Variants in GRIN2A observed in about 807,000 individuals in gnomAD.
GRIN2A encodes the protein glutamate ionotropic receptor NMDA type subunit 2A.
GRIN2A carries 22 observed loss-of-function variants against 113.4 expected under a neutral mutation model. The ratio of observed to expected loss-of-function variants is 0.19; its 90% confidence interval spans 0.14 to 0.28. GRIN2A has a LOEUF of 0.28. GRIN2A is among the 10% of genes least tolerant of loss of function. GRIN2A has a pLI of 1.00. For synonymous variants in GRIN2A, 827 were observed against 738.4 expected, an observed-to-expected ratio of 1.12 and a Z score of -1.94; for missense variants, 1,502 against 1,887.0, an observed-to-expected ratio of 0.80 and a Z score of 3.78.
chr16:10,165,429 T>A (rs1039075605), intron 2 of GRIN2A, among the ~76,000 whole-genome samples: 1 of 150,346 alleles, frequency 6.7e-6, no homozygotes, highest in African/African-American at 2.4e-5. Flanking sequence ...TCCTCTAAAA[T>A]ACATATGTAT....
At chr16:9,974,235 G>T (rs1236080061) in intron 2 of GRIN2A, among the ~76,000 whole-genome samples, 1 of 152,176 alleles carries the variant, frequency 6.6e-6, no homozygotes, top group East Asian at 1.9e-4. Flanking sequence ...ACTAAAGGCA[G>T]TTAGCCTGGT....
At chr16:10,105,004 C>T (rs1231230289) in intron 2 of GRIN2A, among the ~76,000 whole-genome samples, 1 of 152,188 alleles carries the variant, frequency 6.6e-6, no homozygotes, top group African/African-American at 2.4e-5. Context: ...CTGAAGCAAA[C>T]TTTTAATTCG....
chr16:10,014,588 C>A (rs1262647998), intron 2 of GRIN2A, among the ~76,000 whole-genome samples: 1 of 152,166 alleles, frequency 6.6e-6, no homozygotes, highest in Non-Finnish European at 1.5e-5. Context: ...AAATGGACCA[C>A]TCTGAAACCA....
chr16:10,171,908 A>G (rs112429376), intron 2 of GRIN2A, among the ~76,000 whole-genome samples: 2,421 of 152,316 alleles, frequency 0.016, 43 homozygotes, highest in Non-Finnish European at 0.023. Context: ...GAACTTCCCC[A>G]TGATCACCCA....
At chr16:10,089,326 A>C (rs2048141599) in intron 2 of GRIN2A, among the ~76,000 whole-genome samples, 1 of 152,220 alleles carries the variant, frequency 6.6e-6, no homozygotes, top group African/African-American at 2.4e-5. Flanking sequence ...TCACAGATGT[A>C]TGCATATGTC....
chr16:9,946,964 AT>A (rs1251712072), intron 2 of GRIN2A, among the ~76,000 whole-genome samples: 13 of 152,142 alleles, frequency 8.5e-5, no homozygotes, highest in Non-Finnish European at 1.8e-4. Context: ...TAATTACCTC[AT>A]TTTGCTTAAG....
At chr16:9,810,862 T>C (rs2042073030) in intron 10 of GRIN2A, among the ~76,000 whole-genome samples, 1 of 152,180 alleles carries the variant, frequency 6.6e-6, no homozygotes, top group South Asian at 2.1e-4. Flanking sequence ...TCCACCTGCA[T>C]TTCTCTATGG....
intron 3 of GRIN2A, among the ~76,000 whole-genome samples, chr16:9,912,470 GA>G (rs2141555012): frequency 7.3e-6 from 1 of 137,374 alleles, no homozygotes; most frequent in South Asian, 2.5e-4. Flanking sequence ...AAGGAATAAT[GA>G]AAAGATAAAG....
chr16:9,774,201 G>T (rs1057297496), intron 11 of GRIN2A, among the ~76,000 whole-genome samples: 5 of 152,192 alleles, frequency 3.3e-5, no homozygotes, highest in African/African-American at 4.8e-5. Context: ...GTGGAAGCCA[G>T]GGGTTTTATA....
intron 2 of GRIN2A, among the ~76,000 whole-genome samples, chr16:10,140,856 G>A (rs2049313149): frequency 6.6e-6 from 1 of 152,174 alleles, no homozygotes; most frequent in Non-Finnish European, 1.5e-5. Context: ...GCTAGTGACT[G>A]TCTTGCCACA....
intron 2 of GRIN2A, among the ~76,000 whole-genome samples, chr16:10,130,151 T>A (rs1240983181): frequency 6.6e-6 from 1 of 152,148 alleles, no homozygotes; most frequent in Non-Finnish European, 1.5e-5. Context: ...GCCAAGAGAC[T>A]CATTCAAGGT....
chr16:9,770,518 T>C (rs36001692), intron 11 of GRIN2A, among the ~76,000 whole-genome samples: 21,809 of 152,266 alleles, frequency 0.14, 2,056 homozygotes, highest in Middle Eastern at 0.29. Context: ...TTTCCTCTGA[T>C]CTGGATGGCA....
At chr16:10,046,571 T>C (rs1458643094) in intron 2 of GRIN2A, among the ~76,000 whole-genome samples, 1 of 152,176 alleles carries the variant, frequency 6.6e-6, no homozygotes, top group African/African-American at 2.4e-5. Context: ...CACCTTTCAA[T>C]GCATCCCAAT....
intron 2 of GRIN2A, among the ~76,000 whole-genome samples, chr16:10,173,116 C>G (rs922439623): frequency 6.6e-6 from 1 of 152,210 alleles, no homozygotes; most frequent in Non-Finnish European, 1.5e-5. Flanking sequence ...CTGTTGGTCT[C>G]TGATGACTTA....
chr16:10,012,567 G>T (rs1182804708), intron 2 of GRIN2A, among the ~76,000 whole-genome samples: 1 of 152,182 alleles, frequency 6.6e-6, no homozygotes, highest in Non-Finnish European at 1.5e-5. Flanking sequence ...CCCCAAAGGT[G>T]TCCATGTCCT....
chr16:9,990,913 A>G (rs2046099659), intron 2 of GRIN2A, among the ~76,000 whole-genome samples: 1 of 152,012 alleles, frequency 6.6e-6, no homozygotes, highest in South Asian at 2.1e-4. Context: ...CTAAAAATAC[A>G]AAAGTTAGCC....
intron 3 of GRIN2A, among the ~76,000 whole-genome samples, chr16:9,897,202 T>TTACATATTATATATATGTATG (rs140181121): frequency 2.3e-5 from 2 of 86,212 alleles, no homozygotes; most frequent in African/African-American, 1.3e-4. Context: ...ACATATATAT[T>TTACATATTATATATATGTATG]TACATATTTT....
chr16:10,007,329 T>A (rs1038794195), intron 2 of GRIN2A, among the ~76,000 whole-genome samples: 8 of 152,244 alleles, frequency 5.3e-5, no homozygotes, highest in Non-Finnish European at 1.2e-4. Context: ...TCATTTTAGC[T>A]GGAGTGAGAT....
intron 2 of GRIN2A, among the ~76,000 whole-genome samples, chr16:10,016,488 C>A (rs1271198888): frequency 6.6e-6 from 1 of 152,032 alleles, no homozygotes; most frequent in Non-Finnish European, 1.5e-5. Flanking sequence ...CTCTTGCCAA[C>A]CACAGACCCA....
Sources: allele counts gnomAD v4.1 joint callset (sites outside exome capture counted in the v4.1 genomes callset), GRCh38; gene constraint gnomAD v4.1.1; transcripts MANE v1.5; gene names NCBI Gene and HGNC (gene_info 2026-07-23, HGNC 2026-07-21).